Variants in ARMC2 observed in about 807,000 individuals in gnomAD.
ARMC2 encodes armadillo repeat-containing protein 2.
Under a neutral mutation model 90.3 loss-of-function variants are expected in ARMC2, and 67 were observed. The observed-to-expected ratio is 0.74, with a 90% confidence interval of 0.61 to 0.91. The LOEUF (loss-of-function observed/expected upper bound fraction) is 0.91. Ranked by LOEUF, ARMC2 falls within the 40% of genes least tolerant of loss-of-function variation. The probability of loss-of-function intolerance (pLI) is 0.00; values close to 1 mark genes in which losing one functional copy is unlikely to be tolerated. For missense variants in ARMC2, 920 were observed against 1,030.9 expected (o/e 0.89, Z 1.47); for synonymous variants, 393 against 393.0 (o/e 1.00, Z 0.00).
At chr6:108,916,298 G>T (rs997460802) in intron 10 of ARMC2, among the ~76,000 whole-genome samples, 2 of 152,144 alleles carry the variant, frequency 1.3e-5, no homozygotes, top group African/African-American at 4.8e-5. Flanking sequence ...CTACTTTTTG[G>T]TGATCCCTGT....
rs182016502 is a variant in ARMC2, at chr6:108,857,128, G to A, written c.219-1071G>A. Among the ~76,000 whole-genome samples the A allele has an allele frequency of 3.7e-4, 57 of 152,278 alleles. No homozygotes were observed. The East Asian group carries it at 8.1e-3, about 22-fold the overall frequency. ...AATGACTTGCCAGGATTTTGACTGC[G>A]ATTGCATTGAATCTATAGATCAAGT... On this transcript the variant is annotated intron_variant, in intron 2 of 17. Transcript: ENST00000392644.
chr6:108,879,460 A>G (rs1392775013), intron 5 of ARMC2, among the ~76,000 whole-genome samples: 2 of 151,180 alleles, frequency 1.3e-5, no homozygotes, highest in Non-Finnish European at 2.9e-5. Flanking sequence ...CCCATCCCCC[A>G]TCCATCCACC....
the ARMC2 span, among the ~76,000 whole-genome samples, chr6:109,036,766 G>A: frequency 1.3e-5 from 2 of 152,060 alleles, no homozygotes; most frequent in African/African-American, 4.8e-5. Flanking sequence ...TTCCAGTGGC[G>A]CTATTATTCT....
chr6:108,888,935 C>T (rs902773495), intron 5 of ARMC2, among the ~76,000 whole-genome samples: 2 of 152,154 alleles, frequency 1.3e-5, no homozygotes, highest in African/African-American at 4.8e-5. Context: ...GAACCCATGA[C>T]AGTTCCTTAT....
chr6:109,019,471 T>C, the ARMC2 span, among the ~76,000 whole-genome samples: 2 of 152,244 alleles, frequency 1.3e-5, no homozygotes, highest in Non-Finnish European at 2.9e-5. Context: ...CTCTACTGAA[T>C]TATAGACCAA....
intron 2 of ARMC2, among the ~76,000 whole-genome samples, chr6:108,855,945 G>C (rs1023996148): frequency 3.3e-5 from 5 of 152,140 alleles, no homozygotes; most frequent in Admixed American, 1.3e-4. Flanking sequence ...ATGTATTTTG[G>C]ATAACAATTC....
At chr6:108,911,150 C>A in intron 9 of ARMC2, 149 bp downstream of exon 9, 1 of 592,538 alleles carries the variant, frequency 1.7e-6, no homozygotes, top group Non-Finnish European at 2.9e-6. Flanking sequence ...TTTACTTCAT[C>A]CTTCTCTGTT....
rs77447772 is a variant in ARMC2, at chr6:108,888,824, A to G, written c.672-5643A>G. 4.2e-3 allele frequency among the ~76,000 whole-genome samples: 644 copies of G among 152,210 alleles called. 4 individuals carry two copies. The highest frequency in any genetic ancestry group is 0.014 in the African/African-American group (601 of 41,516). The stretch of plus-strand genomic sequence containing the variant: ...TCTTGAATGTGTTCCTTCTTCTCCA[A>G]TTCCACTGTCACCCTCAGATTAGTC... On this transcript the variant is annotated intron_variant, in intron 5 of 17. Transcript: ENST00000392644.
intron 8 of ARMC2, among the ~76,000 whole-genome samples, chr6:108,907,110 G>T (rs957979266): frequency 1.3e-5 from 2 of 152,062 alleles, no homozygotes; most frequent in Non-Finnish European, 2.9e-5. Context: ...AATTGTAGTT[G>T]TCTTTTTTCT....
intron 17 of ARMC2, among the ~76,000 whole-genome samples, chr6:108,971,804 C>T (rs1583242344): frequency 6.6e-6 from 1 of 151,790 alleles, no homozygotes; most frequent in East Asian, 1.9e-4. Context: ...GCCTGTAATC[C>T]CAGCTGCTCA....
At chr6:109,000,585 C>T in the ARMC2 span, 1 of 1,612,542 alleles carries the variant, frequency 6.2e-7, no homozygotes, top group Non-Finnish European at 8.5e-7. Context: ...ATTCTCTAAA[C>T]CATTGAGCCA....
chr6:108,866,016 T>TA (rs910550188), intron 3 of ARMC2, among the ~76,000 whole-genome samples: 1,444 of 118,588 alleles, frequency 0.012, 10 homozygotes, highest in African/African-American at 0.015. Context: ...GACCCTGTCT[T>TA]AAAAAAAAAA....
chr6:108,922,100 G>T (rs1345908322), intron 10 of ARMC2, among the ~76,000 whole-genome samples: 1 of 152,174 alleles, frequency 6.6e-6, no homozygotes, highest in Non-Finnish European at 1.5e-5. Flanking sequence ...TGGAGGAAGG[G>T]CACAGAGGGA....
chr6:108,946,098 G>T (rs554116369), intron 12 of ARMC2, among the ~76,000 whole-genome samples: 2 of 152,342 alleles, frequency 1.3e-5, no homozygotes, highest in East Asian at 3.9e-4. Context: ...TACGCCCTTA[G>T]CTTGTTCATT....
chr6:108,927,994 T>C (rs1421962796), intron 10 of ARMC2, 94 bp from the exon 11 acceptor site: 4 of 1,263,356 alleles, frequency 3.2e-6, no homozygotes, highest in Non-Finnish European at 4.2e-6. Flanking sequence ...GCTACTGATA[T>C]AAGGAAATTT....
chr6:109,000,684 A>G, the ARMC2 span: 1 of 1,536,152 alleles, frequency 6.5e-7, no homozygotes. Context: ...CTTAAAACAA[A>G]AAGATTATTC....
At chr6:108,853,513 A>T (rs1472986767) in intron 1 of ARMC2, among the ~76,000 whole-genome samples, 1 of 152,036 alleles carries the variant, frequency 6.6e-6, no homozygotes, top group Non-Finnish European at 1.5e-5. Context: ...AATGCTATAT[A>T]CTCATTAGAA....
At chr6:109,034,861 G>C in the ARMC2 span, among the ~76,000 whole-genome samples, 2 of 152,196 alleles carry the variant, frequency 1.3e-5, no homozygotes, top group Non-Finnish European at 2.9e-5. Context: ...TGATTATATG[G>C]AGCTGCTAAA....
At chr6:108,922,413 C>T (rs184683708) in intron 10 of ARMC2, among the ~76,000 whole-genome samples, 128 of 152,260 alleles carry the variant, frequency 8.4e-4, no homozygotes, top group African/African-American at 3.1e-3. Context: ...GCTGGGATTA[C>T]AGACCTGAGC....
Sources: gnomAD v4.1 joint callset for allele counts (sites outside exome capture counted in the v4.1 genomes callset) on GRCh38, gnomAD v4.1.1 for gene constraint, MANE v1.5 for transcripts, NCBI Gene and HGNC (gene_info 2026-07-23, HGNC 2026-07-21) for gene names.